Variants in TBXAS1 observed in about 807,000 individuals in gnomAD.
The protein encoded by TBXAS1 is thromboxane-A synthase.
Under a neutral mutation model 60.7 loss-of-function variants are expected in TBXAS1, and 48 were observed. The observed-to-expected ratio is 0.79, with a 90% confidence interval of 0.63 to 1.01. TBXAS1 has a LOEUF of 1.01. Among genes scored for constraint, TBXAS1 ranks in the 50% least tolerant of loss-of-function variants. The pLI, the probability that TBXAS1 is intolerant of heterozygous loss-of-function variation, is 0.00. For synonymous variants in TBXAS1, 287 were observed against 269.7 expected (o/e 1.06, Z -0.63); for missense variants, 685 against 686.3 (o/e 1.00, Z 0.02).
chr7:139,940,295 C>A (rs1808185961), intron 5 of TBXAS1, among the ~76,000 whole-genome samples: 1 of 152,124 alleles, frequency 6.6e-6, no homozygotes, highest in African/African-American at 2.4e-5. Context: ...CTCCCCAAAA[C>A]CTCCTGGTTT....
chr7:139,968,326 G>A (rs1437485306), intron 9 of TBXAS1, among the ~76,000 whole-genome samples: 1 of 152,104 alleles, frequency 6.6e-6, no homozygotes, highest in African/African-American at 2.4e-5. Flanking sequence ...ACAGAGTCTT[G>A]CTCTGTCGCC....
intron 9 of TBXAS1, among the ~76,000 whole-genome samples, chr7:139,972,494 A>T (rs1811275208): frequency 1.3e-5 from 2 of 152,216 alleles, no homozygotes; most frequent in Non-Finnish European, 2.9e-5. Flanking sequence ...CTCTTAAAAC[A>T]TCAAAAGAAT....
At position 139,807,825 on chromosome 7, in the gene TBXAS1, T is replaced by C. The variant is rs563535209; in HGVS notation, c.-80+20399T>C. On this transcript the variant is annotated intron_variant, in intron 4 of 16. Transcript: ENST00000336425. ...ACAGCTTGGAGTTCCCTGTGTTTAT[T>C]TTCCATGGCCTTGCCCCTGTCTGCT... 1.1e-4 allele frequency among the ~76,000 whole-genome samples: 16 copies of C among 152,136 alleles called. 1 individual carries two copies. The South Asian group carries it at 3.3e-3, about 32-fold the overall frequency.
intron 4 of TBXAS1, among the ~76,000 whole-genome samples, chr7:139,818,549 G>A (rs1383642061): frequency 1.3e-5 from 2 of 152,096 alleles, no homozygotes; most frequent in Non-Finnish European, 2.9e-5. Context: ...GCCATTCTAG[G>A]TGGAGACTGG....
chr7:139,843,549 G>A (rs1799608870), intron 1 of TBXAS1, among the ~76,000 whole-genome samples: 1 of 152,066 alleles, frequency 6.6e-6, no homozygotes, highest in Admixed American at 6.6e-5. Flanking sequence ...CATCATGTTG[G>A]CCAGTCTGGT....
chr7:139,781,492 C>G (rs1569488438), intron 2 of TBXAS1, among the ~76,000 whole-genome samples: 2 of 152,070 alleles, frequency 1.3e-5, no homozygotes, highest in African/African-American at 2.4e-5. Context: ...AACATCCCAG[C>G]AAGGTCAACA....
At chr7:139,821,460 G>C (rs969875507) in intron 4 of TBXAS1, among the ~76,000 whole-genome samples, 7 of 152,192 alleles carry the variant, frequency 4.6e-5, no homozygotes, top group African/African-American at 1.7e-4. Context: ...GTTGTACAAT[G>C]ATGTATAAAA....
chr7:139,898,714 C>T (rs1804320033), intron 3 of TBXAS1, among the ~76,000 whole-genome samples: 1 of 152,182 alleles, frequency 6.6e-6, no homozygotes, highest in Non-Finnish European at 1.5e-5. Context: ...GCTTCCTCGT[C>T]CCTGACAAAG....
At chr7:139,921,421 C>T (rs1806459625) in intron 4 of TBXAS1, among the ~76,000 whole-genome samples, 1 of 152,130 alleles carries the variant, frequency 6.6e-6, no homozygotes, top group African/African-American at 2.4e-5. Flanking sequence ...TTAATATAGC[C>T]AGGTGTGGTG....
rs1491303027 is a variant in TBXAS1, at chr7:139,984,771, A to AGAAAAGAAAAGAAAGAAAGAAAGCAG, written c.1135-22316_1135-22315insAGAAAAGAAAGAAAGAAAGCAGGAAA. Among the ~76,000 whole-genome samples the AGAAAAGAAAAGAAAGAAAGAAAGCAG allele has an allele frequency of 1.4e-3, 97 of 68,566 alleles. No homozygotes were observed. In the East Asian group the frequency reaches 0.11, roughly 75 times the overall value. The allele number at this position is 68,566 out of a possible 152,430, so 45.0% of individuals were successfully genotyped here. A position where few individuals can be genotyped will look rare whatever the true frequency, so the allele number is the denominator to read the frequency against. On this transcript the variant is annotated intron_variant, in intron 9 of 12. Coordinates refer to ENST00000448866, the MANE Select transcript of TBXAS1 (RefSeq NM_001061.7). ...AGAAAAGAAAGAAAGAAAGCAGGAAAGAAAGAAAGAAAAGAAAGAAAGAAA... is the reference window on the plus strand; with the variant it reads ...AGAAAAGAAAGAAAGAAAGCAGGAAAGAAAAGAAAAGAAAGAAAGAAAGCAGGAAAGAAAGAAAAGAAAGAAAGAAA...
At chr7:139,934,653 G>C (rs1807600745) in intron 4 of TBXAS1, among the ~76,000 whole-genome samples, 1 of 152,158 alleles carries the variant, frequency 6.6e-6, no homozygotes, top group Non-Finnish European at 1.5e-5. Context: ...CAGCAGTGTT[G>C]GTTTCTCCGG....
intron 1 of TBXAS1, among the ~76,000 whole-genome samples, chr7:139,849,376 A>G (rs955533531): frequency 4.1e-5 from 6 of 147,144 alleles, no homozygotes; most frequent in African/African-American, 1.6e-4. Flanking sequence ...TTCCCCCAAA[A>G]AAAACACAAA....
intron 4 of TBXAS1, chr7:139,787,541 T>A (rs1413901684): frequency 6.6e-6 from 1 of 152,196 alleles, no homozygotes. Flanking sequence ...GGGAAGGTGG[T>A]GGGCAGCTGG....
intron 4 of TBXAS1, among the ~76,000 whole-genome samples, chr7:139,811,782 G>A (rs1054737886): frequency 1.3e-5 from 2 of 152,218 alleles, no homozygotes; most frequent in South Asian, 4.1e-4. Context: ...AAATGGCATG[G>A]AATGTACTCT....
intron 9 of TBXAS1, among the ~76,000 whole-genome samples, chr7:139,988,484 T>C (rs567757264): frequency 6.6e-6 from 1 of 152,328 alleles, no homozygotes; most frequent in South Asian, 2.1e-4. Context: ...GCTCCCTTTG[T>C]GTTCACCTTG....
chr7:139,839,063 A>C lies in TBXAS1; in HGVS notation c.89+9584A>C, dbSNP rs559839010. On this transcript the variant is annotated intron_variant, in intron 1 of 12. Coordinates refer to ENST00000448866, the MANE Select transcript of TBXAS1 (RefSeq NM_001061.7). Reference sequence around the variant, plus strand: ...TAGCGTATTTAATCTTTCAAGCAACACCTAAGGACTGGCAGCTGGGTTCCT... The same window carrying C: ...TAGCGTATTTAATCTTTCAAGCAACCCCTAAGGACTGGCAGCTGGGTTCCT... 9.2e-5 allele frequency among the ~76,000 whole-genome samples: 14 copies of C among 152,262 alleles called. No homozygotes were observed. In the East Asian group the frequency reaches 2.7e-3, roughly 29 times the overall value.
At chr7:139,799,040 AC>A (rs11324570) in intron 4 of TBXAS1, among the ~76,000 whole-genome samples, 2,009 of 144,428 alleles carry the variant, frequency 0.014, 41 homozygotes, top group African/African-American at 0.049. Flanking sequence ...TCCCATTGTC[AC>A]CTTTGATTGT....
intron 5 of TBXAS1, chr7:139,952,555 G>T (rs1174119621): frequency 2.6e-6 from 4 of 1,536,666 alleles, no homozygotes; most frequent in South Asian, 2.4e-5. Flanking sequence ...TTTCAGCTTG[G>T]CCTTTTAATC....
At chr7:139,883,984 AGAT>A (rs1422007894) in intron 3 of TBXAS1, among the ~76,000 whole-genome samples, 9 of 152,378 alleles carry the variant, frequency 5.9e-5, no homozygotes, top group African/African-American at 2.2e-4. Flanking sequence ...GCAAAGGGCC[AGAT>A]GATATCTGAA....
Sources: allele counts gnomAD v4.1 joint callset (sites outside exome capture counted in the v4.1 genomes callset), GRCh38; gene constraint gnomAD v4.1.1; transcripts MANE v1.5; gene names NCBI Gene and HGNC (gene_info 2026-07-23, HGNC 2026-07-21).